The following CADM2 variants were observed in gnomAD, a reference collection of about 807,000 sequenced individuals.
CADM2 encodes the protein immunoglobulin superfamily member 4D.
A neutral mutation model predicts 49.8 loss-of-function variants in CADM2; 12 were observed. The ratio of observed to expected loss-of-function variants is 0.24; its 90% confidence interval spans 0.15 to 0.39. The LOEUF is 0.39. Ranked by LOEUF, CADM2 falls within the 10% of genes least tolerant of loss-of-function variation. The pLI, the probability that CADM2 is intolerant of heterozygous loss-of-function variation, is 1.00. For synonymous variants in CADM2, 214 were observed against 175.4 expected, an observed-to-expected ratio of 1.22 and a Z score of -1.74; for missense variants, 378 against 492.3, an observed-to-expected ratio of 0.77 and a Z score of 2.20.
At chr3:84,980,356 C>T (rs1486494989) in intron 1 of CADM2, among the ~76,000 whole-genome samples, 1 of 152,146 alleles carries the variant, frequency 6.6e-6, no homozygotes, top group Admixed American at 6.6e-5. Flanking sequence ...TGATGATCAC[C>T]TCACTTACCC....
chr3:85,632,936 C>T (rs1031171053), intron 1 of CADM2, among the ~76,000 whole-genome samples: 9 of 151,698 alleles, frequency 5.9e-5, no homozygotes, highest in African/African-American at 4.8e-5. Context: ...TATCTAAAAT[C>T]GAAAATAAAA....
At chr3:85,845,374 TC>T (rs2074836265) in intron 3 of CADM2, among the ~76,000 whole-genome samples, 1 of 152,062 alleles carries the variant, frequency 6.6e-6, no homozygotes, top group Admixed American at 6.6e-5. Context: ...AAGGTCTCCC[TC>T]CGGAGACCAC....
chr3:85,715,439 A>C (rs1431459026), intron 1 of CADM2, among the ~76,000 whole-genome samples: 2 of 152,252 alleles, frequency 1.3e-5, no homozygotes, highest in African/African-American at 4.8e-5. Context: ...ACAAAACATT[A>C]GAACACCCTG....
chr3:86,016,956 T>C (rs1732328915), intron 8 of CADM2, among the ~76,000 whole-genome samples: 1 of 151,930 alleles, frequency 6.6e-6, no homozygotes, highest in South Asian at 2.1e-4. Flanking sequence ...TGAGAATACT[T>C]AGAAAAACAA....
intron 2 of CADM2, among the ~76,000 whole-genome samples, chr3:85,770,093 G>A (rs1323241602): frequency 2.6e-5 from 4 of 151,992 alleles, no homozygotes; most frequent in Admixed American, 6.6e-5. Context: ...ACAACTCTAC[G>A]GGTAACTAAC....
intron 1 of CADM2, among the ~76,000 whole-genome samples, chr3:85,371,858 A>G (rs949628661): frequency 1.3e-5 from 2 of 151,372 alleles, no homozygotes; most frequent in African/African-American, 4.9e-5. Flanking sequence ...TGATTTTGGT[A>G]TGAGTTATGG....
intron 1 of CADM2, among the ~76,000 whole-genome samples, chr3:85,369,017 G>A (rs2033003882): frequency 6.6e-6 from 1 of 152,046 alleles, no homozygotes; most frequent in Non-Finnish European, 1.5e-5. Context: ...TATAGAAATA[G>A]CATTTCCAGA....
chr3:85,860,486 C>T (rs1000112501), intron 3 of CADM2, among the ~76,000 whole-genome samples: 2 of 152,072 alleles, frequency 1.3e-5, no homozygotes, highest in South Asian at 2.1e-4. Flanking sequence ...GCTGCTATAA[C>T]AAAATTTAAA....
chr3:85,761,367 C>CTTTTTTTTTT lies in CADM2; in HGVS notation c.88+34833_88+34842dup, dbSNP rs529447125. 3.8e-4 allele frequency among the ~76,000 whole-genome samples: 38 copies of CTTTTTTTTTT among 101,090 alleles called. 3 individuals are homozygous for CTTTTTTTTTT. Among genetic ancestry groups the CTTTTTTTTTT allele is most frequent in the African/African-American group, 1.7e-3 (36 of 20,870 alleles). The allele number at this position is 101,090 out of a possible 152,430, so 66.3% of individuals were successfully genotyped here. On this transcript the variant is annotated intron_variant, in intron 2 of 9. Coordinates refer to ENST00000383699, the MANE Select transcript of CADM2 (RefSeq NM_001167675.2). The stretch of plus-strand genomic sequence containing the variant: ...AAAACTGTTGATATACAACACAAAA[C>CTTTTTTTTTT]TTTTTTTTTTTTTTTTTTTTTTTGG...
At chr3:85,226,970 A>G (rs1019100024) in intron 1 of CADM2, among the ~76,000 whole-genome samples, 17 of 152,098 alleles carry the variant, frequency 1.1e-4, no homozygotes, top group African/African-American at 4.1e-4. Flanking sequence ...TTCTAATTTG[A>G]TTGCACTGTG....
intron 1 of CADM2, among the ~76,000 whole-genome samples, chr3:84,994,334 G>C (rs766555262): frequency 3.9e-5 from 6 of 152,108 alleles, no homozygotes; most frequent in Non-Finnish European, 4.4e-5. Context: ...GATAAGAGTA[G>C]TTTAATTAGC....
intron 1 of CADM2, among the ~76,000 whole-genome samples, chr3:85,681,099 A>C (rs1177432447): frequency 6.6e-6 from 1 of 152,170 alleles, no homozygotes; most frequent in African/African-American, 2.4e-5. Flanking sequence ...ATAAATACTC[A>C]GCATGTCATG....
intron 1 of CADM2, among the ~76,000 whole-genome samples, chr3:85,670,530 C>T (rs974444018): frequency 1.1e-4 from 16 of 152,090 alleles, no homozygotes; most frequent in Admixed American, 5.2e-4. Flanking sequence ...CCATCCACAG[C>T]CTTCCATCCT....
chr3:85,419,308 AT>A (rs1553720956), intron 1 of CADM2, among the ~76,000 whole-genome samples: 1 of 144,340 alleles, frequency 6.9e-6, no homozygotes, highest in Non-Finnish European at 1.5e-5. Context: ...ACAAAAAAAA[AT>A]TAGCTGGGCG....
chr3:85,005,406 AC>A (rs2033670549), intron 1 of CADM2, among the ~76,000 whole-genome samples: 1 of 152,186 alleles, frequency 6.6e-6, no homozygotes, highest in South Asian at 2.1e-4. Flanking sequence ...CATCAGCTTC[AC>A]TACATTCAGT....
intron 8 of CADM2, among the ~76,000 whole-genome samples, chr3:85,969,571 A>G (rs1725858276): frequency 6.6e-6 from 1 of 151,112 alleles, no homozygotes; most frequent in African/African-American, 2.4e-5. Flanking sequence ...GACATATATC[A>G]TTATGTGATA....
chr3:85,857,993 G>A (rs577998174), intron 3 of CADM2, among the ~76,000 whole-genome samples: 10 of 152,264 alleles, frequency 6.6e-5, no homozygotes, highest in African/African-American at 2.4e-4. Context: ...GCTGACTATT[G>A]ACCCTACCAT....
At chr3:85,321,112 ATATATTTTTTTTTTTTTTTTT>A (rs2044592628) in intron 1 of CADM2, among the ~76,000 whole-genome samples, 5 of 35,854 alleles carry the variant, frequency 1.4e-4, no homozygotes, top group Non-Finnish European at 1.7e-4. Flanking sequence ...ATATATATAT[ATATATTTTTTTTTTTTTTTTT>A]TTTTTTTTTT....
chr3:85,094,775 A>G (rs2037731386), intron 1 of CADM2, among the ~76,000 whole-genome samples: 1 of 152,226 alleles, frequency 6.6e-6, no homozygotes, highest in South Asian at 2.1e-4. Flanking sequence ...CGTTTAAATG[A>G]TAACACTATC....
Sources: gnomAD v4.1 joint callset for allele counts (sites outside exome capture counted in the v4.1 genomes callset) on GRCh38, gnomAD v4.1.1 for gene constraint, MANE v1.5 for transcripts, NCBI Gene and HGNC (gene_info 2026-07-23, HGNC 2026-07-21) for gene names.